PKIG: variants seen among roughly 807,000 people sequenced by gnomAD.
The protein encoded by PKIG is protein kinase (cAMP-dependent, catalytic) inhibitor gamma.
PKIG carries 1 observed loss-of-function variant against 6.8 expected under a neutral mutation model. That is an observed-to-expected ratio of 0.15 (90% CI 0.05 to 0.69). The LOEUF is 0.69. Ranked by LOEUF, PKIG falls within the 30% of genes least tolerant of loss-of-function variation. The pLI is 0.82. For synonymous variants in PKIG, 39 were observed against 43.0 expected (o/e 0.91, Z 0.36); for missense variants, 77 against 104.0 (o/e 0.74, Z 1.13).
intron 1 of PKIG, among the ~76,000 whole-genome samples, chr20:44,546,560 C>CTTTTTTTTT (rs59060487): frequency 0.15 from 20,579 of 141,044 alleles, 2,232 homozygotes; most frequent in African/African-American, 0.28. Context: ...TTTTTGAGTT[C>CTTTTTTTTT]TTTTTTTTTT....
chr20:44,575,782 C>T (rs1353839818), intron 1 of PKIG, among the ~76,000 whole-genome samples: 1 of 152,148 alleles, frequency 6.6e-6, no homozygotes, highest in East Asian at 1.9e-4. Context: ...TTCTGCAGAG[C>T]TTTTGGGCCC....
At chr20:44,533,897 G>A (rs926799433) in intron 1 of PKIG, among the ~76,000 whole-genome samples, 2 of 152,216 alleles carry the variant, frequency 1.3e-5, no homozygotes, top group African/African-American at 2.4e-5. Context: ...ATTAAAATGT[G>A]TCCTTTTGGG....
At chr20:44,611,792 T>A (rs2123469605) in intron 2 of PKIG, among the ~76,000 whole-genome samples, 1 of 152,320 alleles carries the variant, frequency 6.6e-6, no homozygotes, top group East Asian at 1.9e-4. Context: ...GTACTGGGAT[T>A]ACAGGTGTGA....
At chr20:44,533,010 G>T (rs2064480953) in intron 1 of PKIG, among the ~76,000 whole-genome samples, 1 of 152,142 alleles carries the variant, frequency 6.6e-6, no homozygotes, top group Non-Finnish European at 1.5e-5. Flanking sequence ...CTTTGTGTTG[G>T]GGGCAGTGGG....
chr20:44,550,844 A>C (rs2064661389), intron 1 of PKIG, among the ~76,000 whole-genome samples: 2 of 152,196 alleles, frequency 1.3e-5, no homozygotes, highest in South Asian at 4.1e-4. Flanking sequence ...AATGAGGGCC[A>C]GATTTCCCCT....
intron 1 of PKIG, among the ~76,000 whole-genome samples, chr20:44,536,213 A>G (rs139276649): frequency 5.6e-4 from 85 of 152,276 alleles, no homozygotes; most frequent in African/African-American, 1.9e-3. Flanking sequence ...CCATTCATCG[A>G]TGGTCACTTT....
chr20:44,605,749 T>TAA (rs777973990), intron 2 of PKIG, among the ~76,000 whole-genome samples: 1 of 146,668 alleles, frequency 6.8e-6, no homozygotes, highest in East Asian at 2.0e-4. Context: ...CCCCATCTCT[T>TAA]AAAAAAAAAA....
At chr20:44,565,826 G>C (rs73615481) in intron 1 of PKIG, among the ~76,000 whole-genome samples, 1,700 of 152,214 alleles carry the variant, frequency 0.011, 16 homozygotes, top group East Asian at 0.065. Flanking sequence ...GCAGTGGCAC[G>C]ATCTCGGCTC....
At chr20:44,601,388 G>C (rs2065120536) in intron 2 of PKIG, among the ~76,000 whole-genome samples, 1 of 152,246 alleles carries the variant, frequency 6.6e-6, no homozygotes, top group Non-Finnish European at 1.5e-5. Flanking sequence ...CCTTGTGCTG[G>C]ATGTGCCCCA....
intron 1 of PKIG, among the ~76,000 whole-genome samples, chr20:44,545,588 A>T (rs754748475): frequency 2.0e-5 from 3 of 152,144 alleles, no homozygotes; most frequent in Non-Finnish European, 4.4e-5. Flanking sequence ...TGGGAGGCTG[A>T]GGCAGGAAGA....
intron 1 of PKIG, among the ~76,000 whole-genome samples, chr20:44,542,581 A>G (rs1396846835): frequency 6.6e-6 from 1 of 151,142 alleles, no homozygotes; most frequent in Non-Finnish European, 1.5e-5. Context: ...ATTTTTTTTT[A>G]ATTTCTTTTA....
intron 2 of PKIG, among the ~76,000 whole-genome samples, chr20:44,595,212 C>T (rs2123403715): frequency 6.6e-6 from 1 of 152,320 alleles, no homozygotes; most frequent in Non-Finnish European, 1.5e-5. Context: ...GGTATGGTTA[C>T]ACACACACGC....
At chr20:44,587,906 C>T (rs900257109) in intron 1 of PKIG, among the ~76,000 whole-genome samples, 9 of 152,138 alleles carry the variant, frequency 5.9e-5, no homozygotes, top group Non-Finnish European at 1.2e-4. Flanking sequence ...CTTTCCTGGA[C>T]GTGTGTGTAG....
chr20:44,576,921 C>A (rs543018910), intron 1 of PKIG, among the ~76,000 whole-genome samples: 1 of 152,172 alleles, frequency 6.6e-6, no homozygotes, highest in Admixed American at 6.6e-5. Flanking sequence ...TTCAGACACA[C>A]CAAATCAGCA....
intron 2 of PKIG, chr20:44,598,581 G>A (rs2065094021): frequency 6.6e-6 from 1 of 152,184 alleles, no homozygotes; most frequent in Non-Finnish European, 1.5e-5. Context: ...GCCAGGAAGT[G>A]ATCTCACTTT....
chr20:44,576,293 T>C (rs2064897589), intron 1 of PKIG, among the ~76,000 whole-genome samples: 1 of 152,092 alleles, frequency 6.6e-6, no homozygotes, highest in Admixed American at 6.6e-5. Flanking sequence ...AGACATACTG[T>C]TGACTTTGTG....
intron 1 of PKIG, among the ~76,000 whole-genome samples, chr20:44,559,923 C>T (rs1052162048): frequency 6.6e-6 from 1 of 151,894 alleles, no homozygotes; most frequent in African/African-American, 2.4e-5. Context: ...TTTGATGTAG[C>T]GCCGGGCATG....
At chr20:44,605,172 G>A (rs929730350) in intron 2 of PKIG, among the ~76,000 whole-genome samples, 8 of 151,598 alleles carry the variant, frequency 5.3e-5, no homozygotes, top group African/African-American at 1.5e-4. Context: ...TTGGGAGGCC[G>A]AGACGGGCGG....
intron 1 of PKIG, among the ~76,000 whole-genome samples, chr20:44,551,086 G>A (rs768584378): frequency 2.0e-5 from 3 of 150,918 alleles, no homozygotes; most frequent in African/African-American, 7.3e-5. Flanking sequence ...TTTTTGAGAC[G>A]GAGTCTTGCT....
Sources: gnomAD v4.1 joint callset for allele counts (sites outside exome capture counted in the v4.1 genomes callset) on GRCh38, gnomAD v4.1.1 for gene constraint, MANE v1.5 for transcripts, NCBI Gene and HGNC (gene_info 2026-07-23, HGNC 2026-07-21) for gene names.